The following AGMO variants were observed in gnomAD, a reference collection of about 807,000 sequenced individuals.
AGMO encodes alkylglycerol monooxygenase.
In AGMO, 75 loss-of-function variants were observed where a neutral mutation model predicts 60.2. The ratio of observed to expected loss-of-function variants is 1.25; its 90% CI spans 1.03 to 1.51. The LOEUF (loss-of-function observed/expected upper bound fraction) is 1.51, where lower values mean the gene tolerates loss of function less well. AGMO is among the 40% of genes most tolerant of loss of function. The probability of loss-of-function intolerance (pLI) is 0.00; values close to 1 mark genes in which losing one functional copy is unlikely to be tolerated. For synonymous variants in AGMO, 261 were observed against 177.1 expected (o/e 1.47, Z -3.76); for missense variants, 763 against 525.5 (o/e 1.45, Z -4.42).
chr7:15,327,930 TA>T (rs1373810603), intron 12 of AGMO, among the ~76,000 whole-genome samples: 1 of 149,960 alleles, frequency 6.7e-6, no homozygotes, highest in African/African-American at 2.5e-5. Context: ...GTTGCCGGGC[TA>T]ATTTAAAAAA....
intron 12 of AGMO, among the ~76,000 whole-genome samples, chr7:15,265,276 T>A (rs567506856): frequency 6.6e-6 from 1 of 152,052 alleles, no homozygotes; most frequent in South Asian, 2.1e-4. Context: ...CAATGGGGAC[T>A]ATTAGATGGG....
At chr7:15,417,953 A>T (rs966704991) in intron 5 of AGMO, among the ~76,000 whole-genome samples, 1 of 152,200 alleles carries the variant, frequency 6.6e-6, no homozygotes, top group Non-Finnish European at 1.5e-5. Context: ...ACAAATATTC[A>T]TAAACCAATC....
chr7:15,221,433 A>G (rs1206238700), intron 12 of AGMO, among the ~76,000 whole-genome samples: 1 of 152,320 alleles, frequency 6.6e-6, no homozygotes, highest in East Asian at 1.9e-4. Context: ...GCTAAAAAAA[A>G]AATTCCTCCT....
intron 3 of AGMO, among the ~76,000 whole-genome samples, chr7:15,483,804 TA>T (rs1278965316): frequency 1.3e-5 from 2 of 152,132 alleles, no homozygotes; most frequent in African/African-American, 4.8e-5. Context: ...GAAAACTCAG[TA>T]TTTTTTTTGA....
At chr7:15,163,440 T>C in the AGMO span, among the ~76,000 whole-genome samples, 1 of 152,176 alleles carries the variant, frequency 6.6e-6, no homozygotes, top group Non-Finnish European at 1.5e-5. Flanking sequence ...CCATCCAATA[T>C]GATGTTGACT....
chr7:15,124,939 G>A, the AGMO span, among the ~76,000 whole-genome samples: 1 of 151,988 alleles, frequency 6.6e-6, no homozygotes, highest in Non-Finnish European at 1.5e-5. Context: ...AACATAGAGG[G>A]GGGACACAGA....
intron 12 of AGMO, among the ~76,000 whole-genome samples, chr7:15,350,568 G>T (rs565115183): frequency 1.3e-5 from 2 of 152,270 alleles, no homozygotes; most frequent in African/African-American, 2.4e-5. Context: ...GAGAGTCAGA[G>T]AGAGTAGATT....
At chr7:15,239,114 T>C (rs1056219489) in intron 12 of AGMO, among the ~76,000 whole-genome samples, 3 of 152,230 alleles carry the variant, frequency 2.0e-5, no homozygotes, top group Admixed American at 6.5e-5. Flanking sequence ...CTCAATGTTA[T>C]TGAATGCCTG....
chr7:15,340,918 C>A (rs760024165), intron 12 of AGMO, among the ~76,000 whole-genome samples: 4 of 152,100 alleles, frequency 2.6e-5, no homozygotes, highest in Non-Finnish European at 4.4e-5. Context: ...TCACTGACAG[C>A]TTGCACCATA....
chr7:15,267,528 C>T (rs915353835), intron 12 of AGMO, among the ~76,000 whole-genome samples: 9 of 152,052 alleles, frequency 5.9e-5, no homozygotes, highest in African/African-American at 2.2e-4. Context: ...CTTATGTTCA[C>T]GACAGTCATT....
At chr7:15,350,965 C>T (rs906482034) in intron 12 of AGMO, among the ~76,000 whole-genome samples, 1 of 151,972 alleles carries the variant, frequency 6.6e-6, no homozygotes, top group Non-Finnish European at 1.5e-5. Context: ...TTACTCTGCC[C>T]AACAAGTTAT....
At chr7:15,484,584 T>G (rs1335516666) in intron 3 of AGMO, among the ~76,000 whole-genome samples, 1 of 152,184 alleles carries the variant, frequency 6.6e-6, no homozygotes, top group Non-Finnish European at 1.5e-5. Context: ...TACAGGAATT[T>G]AAAACATGAA....
rs1491133750 is a variant in AGMO, at chr7:15,354,540, A to ATG, written c.1263+10973_1263+10974insCA. On this transcript the variant is annotated intron_variant, in intron 12 of 12. Transcript: ENST00000342526. ...TATATATATATATATATATATATAT[A>ATG]GCTCCCCTCATAGGACCTGCAACAG... is the stretch of plus-strand genomic sequence containing the variant. Among the ~76,000 whole-genome samples the ATG allele has an allele frequency of 3.7e-4, 28 of 76,576 alleles. 4 individuals are homozygous for ATG. The highest frequency in any genetic ancestry group is 1.2e-3 in the African/African-American group (26 of 20,846). 50.2% of individuals were successfully genotyped at this position (76,576 alleles called of 152,430 possible). A position where few individuals can be genotyped will look rare whatever the true frequency, so the allele number is the denominator to read the frequency against.
intron 12 of AGMO, among the ~76,000 whole-genome samples, chr7:15,254,442 G>C (rs967769352): frequency 2.6e-5 from 4 of 152,052 alleles, no homozygotes; most frequent in African/African-American, 9.7e-5. Context: ...ACTGAGGTGA[G>C]GTGATATCTG....
chr7:15,218,382 T>G (rs2128496030), intron 12 of AGMO, among the ~76,000 whole-genome samples: 1 of 150,344 alleles, frequency 6.7e-6, no homozygotes, highest in South Asian at 2.1e-4. Context: ...ATTTTTGTTT[T>G]ACGATTTTGG....
At chr7:15,140,701 A>T in the AGMO span, among the ~76,000 whole-genome samples, 2 of 152,118 alleles carry the variant, frequency 1.3e-5, no homozygotes, top group African/African-American at 4.8e-5. Flanking sequence ...TATTTCAAAA[A>T]TTATGTTTTT....
chr7:15,129,491 C>T, the AGMO span, among the ~76,000 whole-genome samples: 19 of 151,946 alleles, frequency 1.3e-4, no homozygotes, highest in African/African-American at 4.1e-4. Flanking sequence ...TCATTCTGAC[C>T]AATTTAGTAT....
intron 3 of AGMO, among the ~76,000 whole-genome samples, chr7:15,510,728 C>T (rs1255330485): frequency 1.3e-5 from 2 of 150,132 alleles, no homozygotes; most frequent in African/African-American, 4.9e-5. Context: ...AATCTAAATA[C>T]ATCAAAAACT....
At chr7:15,189,071 T>C in the AGMO span, among the ~76,000 whole-genome samples, 4 of 152,152 alleles carry the variant, frequency 2.6e-5, no homozygotes, top group Non-Finnish European at 5.9e-5. Context: ...GAAAATAGCA[T>C]TTTTAAAATA....
Sources: gnomAD v4.1 joint callset for allele counts (sites outside exome capture counted in the v4.1 genomes callset) on GRCh38, gnomAD v4.1.1 for gene constraint, MANE v1.5 for transcripts, NCBI Gene and HGNC (gene_info 2026-07-23, HGNC 2026-07-21) for gene names.